NRBF2: variants seen among roughly 807,000 people sequenced by gnomAD.
NRBF2 encodes nuclear receptor-binding factor 2.
Under a neutral mutation model 28.5 loss-of-function variants are expected in NRBF2, and 12 were observed. The observed-to-expected ratio is 0.42, with a 90% CI of 0.27 to 0.68. The LOEUF (loss-of-function observed/expected upper bound fraction) is 0.68, where lower values mean the gene tolerates loss of function less well. NRBF2 is among the 30% of genes least tolerant of loss of function. The pLI is 0.24. For missense variants in NRBF2, 274 were observed against 333.5 expected, an observed-to-expected ratio of 0.82 and a Z score of 1.39; for synonymous variants, 102 against 116.5, an observed-to-expected ratio of 0.88 and a Z score of 0.80.
chr10:63,148,079 A>C (rs1331411560), intron 2 of NRBF2, among the ~76,000 whole-genome samples: 1 of 152,206 alleles, frequency 6.6e-6, no homozygotes, highest in Non-Finnish European at 1.5e-5. Context: ...TCATGGTTAC[A>C]TATATATAAC....
intron 1 of NRBF2, among the ~76,000 whole-genome samples, chr10:63,143,072 C>T (rs181106609): frequency 5.7e-4 from 86 of 152,092 alleles, no homozygotes; most frequent in South Asian, 2.1e-3. Flanking sequence ...TGAGCCACTG[C>T]GCCCAGCCTA....
intron 1 of NRBF2, among the ~76,000 whole-genome samples, chr10:63,144,560 G>GC (rs1400547946): frequency 2.0e-5 from 3 of 151,842 alleles, no homozygotes; most frequent in African/African-American, 7.3e-5. Context: ...GACAACAGGT[G>GC]CCCCCCACCA....
intron 2 of NRBF2, among the ~76,000 whole-genome samples, chr10:63,147,321 ATT>A (rs200520684): frequency 8.9e-5 from 13 of 146,026 alleles, no homozygotes; most frequent in Admixed American, 2.7e-4. Flanking sequence ...GAAAATTAAA[ATT>A]TTTTTTTTTT....
intron 1 of NRBF2, among the ~76,000 whole-genome samples, chr10:63,139,667 C>T (rs1841432703): frequency 6.6e-6 from 1 of 152,202 alleles, no homozygotes. Context: ...ATCAGACTCT[C>T]CCTCTCTTTT....
At position 63,146,258 on chromosome 10, in the gene NRBF2, A is replaced by G. The variant is rs1841559489; in HGVS notation, c.80A>G (p.Tyr27Cys). The G allele has an allele frequency of 6.2e-7, 1 of 1,612,794 alleles. No individual in the cohort carries two copies. Residue 27 changes from tyrosine to cysteine, a missense_variant, in exon 2 of 4, where the codon TAC (tyrosine) becomes TGC (cysteine). Transcript: ENST00000277746. Reference protein sequence around the residue: ...RADRLLAAGKYEEAISCHKKA... With the variant: ...RADRLLAAGKCEEAISCHKKA... ...GACCGTTTATTAGCTGCAGGCAAAT[A>G]CGAAGAGGCTATTTCTTGTCACAAA...
At position 63,144,912 on chromosome 10, in the gene NRBF2, C is replaced by T. The variant is rs138569781; in HGVS notation, c.31-1297C>T. The stretch of plus-strand genomic sequence containing the variant: ...TTTGCTAAATCGTGTGTGTTTGTTA[C>T]TGAGGAAAATCGTTACATGAGGTAG... On this transcript the variant is annotated intron_variant, in intron 1 of 3. Transcript: ENST00000277746. 3.3e-3 allele frequency among the ~76,000 whole-genome samples: 498 copies of T among 152,110 alleles called. 3 individuals carry two copies. The highest frequency in any genetic ancestry group is 0.012 in the African/African-American group (481 of 41,478).
At chr10:63,137,282 T>A (rs1841391509) in intron 1 of NRBF2, among the ~76,000 whole-genome samples, 1 of 152,256 alleles carries the variant, frequency 6.6e-6, no homozygotes, top group African/African-American at 2.4e-5. Context: ...GCCTGTCAGT[T>A]TTAAATATGG....
At chr10:63,144,248 A>G (rs188585910) in intron 1 of NRBF2, among the ~76,000 whole-genome samples, 29 of 152,224 alleles carry the variant, frequency 1.9e-4, no homozygotes. Context: ...CCCCTGTTCA[A>G]TGATGAGTTG....
At chr10:63,136,649 T>G (rs1257219536) in intron 1 of NRBF2, among the ~76,000 whole-genome samples, 1 of 152,224 alleles carries the variant, frequency 6.6e-6, no homozygotes, top group Non-Finnish European at 1.5e-5. Context: ...TTAAATACAT[T>G]ATGAATCACG....
chr10:63,149,756 G>C (rs1306945527), intron 2 of NRBF2, among the ~76,000 whole-genome samples: 1 of 152,238 alleles, frequency 6.6e-6, no homozygotes, highest in African/African-American at 2.4e-5. Flanking sequence ...GTTCTACAAA[G>C]GGTGGCATTT....
chr10:63,150,247 C>A, intron 2 of NRBF2: 1 of 351,612 alleles, frequency 2.8e-6, no homozygotes, highest in Non-Finnish European at 4.0e-6. Context: ...CCACCACACC[C>A]GGCCGTCTTC....
chr10:63,146,350 T>A, intron 2 of NRBF2, 57 bp downstream of exon 2: 1 of 1,192,726 alleles, frequency 8.4e-7, no homozygotes, highest in Non-Finnish European at 1.2e-6. Flanking sequence ...GTCACAATAG[T>A]AATAATGTGT....
At chr10:63,145,395 G>C (rs954858657) in intron 1 of NRBF2, among the ~76,000 whole-genome samples, 1 of 152,108 alleles carries the variant, frequency 6.6e-6, no homozygotes, top group African/African-American at 2.4e-5. Context: ...TTCTAGTAGA[G>C]ATGGGGTTTC....
rs1185710394 is a variant in NRBF2 at position 63,133,331 on chromosome 10, C to G, written c.-140C>G. On this transcript the variant is annotated 5_prime_UTR_variant, in exon 1 of 4. Transcript: ENST00000277746. Reference sequence around the variant, plus strand: ...AGGAGGAAGTGGTGAGGTTGTTGCTCCTTCAGCGCCTATCGCTGGCTCTTG... The same window carrying G: ...AGGAGGAAGTGGTGAGGTTGTTGCTGCTTCAGCGCCTATCGCTGGCTCTTG... 2.1e-5 allele frequency: 21 copies of G among 986,354 alleles called. No homozygotes were observed. The highest frequency in any genetic ancestry group is 2.9e-5 in the Non-Finnish European group (19 of 653,840). 61.1% of individuals were successfully genotyped at this position (986,354 alleles called of 1,614,324 possible). A position where few individuals can be genotyped will look rare whatever the true frequency, so the allele number is the denominator to read the frequency against.
chr10:63,137,459 G>C (rs1841393451), intron 1 of NRBF2, among the ~76,000 whole-genome samples: 1 of 152,182 alleles, frequency 6.6e-6, no homozygotes, highest in African/African-American at 2.4e-5. Flanking sequence ...TAATTTATAT[G>C]TGGCTGTTGC....
At chr10:63,137,876 C>T (rs1264235722) in intron 1 of NRBF2, among the ~76,000 whole-genome samples, 1 of 152,096 alleles carries the variant, frequency 6.6e-6, no homozygotes, top group African/African-American at 2.4e-5. Flanking sequence ...GTAGAGAGTA[C>T]TAAGAGATAT....
intron 3 of NRBF2, 52 bp from the exon 4 acceptor site, chr10:63,153,459 A>T: frequency 7.4e-7 from 1 of 1,355,108 alleles, no homozygotes; most frequent in Non-Finnish European, 1.0e-6. Flanking sequence ...GTTGGACATT[A>T]CTAAGATACT....
intron 1 of NRBF2, among the ~76,000 whole-genome samples, chr10:63,142,478 C>A (rs1276941093): frequency 1.3e-5 from 2 of 151,696 alleles, no homozygotes; most frequent in African/African-American, 2.4e-5. Flanking sequence ...CTTTTAGAAT[C>A]TGTATTTTAA....
intron 1 of NRBF2, among the ~76,000 whole-genome samples, chr10:63,135,705 G>A (rs2132674619): frequency 6.7e-6 from 1 of 148,330 alleles, no homozygotes; most frequent in Admixed American, 6.7e-5. Flanking sequence ...AGAGTGCAGT[G>A]GCGCGATCTC....
Sources: allele counts gnomAD v4.1 joint callset (sites outside exome capture counted in the v4.1 genomes callset), GRCh38; gene constraint gnomAD v4.1.1; transcripts MANE v1.5; gene names NCBI Gene and HGNC (gene_info 2026-07-23, HGNC 2026-07-21).